CALN1: variants seen among roughly 807,000 people sequenced by gnomAD.
CALN1 encodes calneuron 1.
CALN1 carries 17 observed loss-of-function variants against 30.6 expected under a neutral mutation model. The ratio of observed to expected loss-of-function variants is 0.56; its 90% CI spans 0.38 to 0.83. The LOEUF is 0.83. Among genes scored for constraint, CALN1 ranks in the 40% least tolerant of loss-of-function variants. The pLI, the probability that CALN1 is intolerant of heterozygous loss-of-function variation, is 0.00. For missense variants in CALN1, 291 were observed against 354.9 expected, an observed-to-expected ratio of 0.82 and a Z score of 1.45; for synonymous variants, 156 against 131.4, an observed-to-expected ratio of 1.19 and a Z score of -1.28.
chr7:72,406,581 C>T (rs1252888250), intron 1 of CALN1, among the ~76,000 whole-genome samples: 2 of 151,658 alleles, frequency 1.3e-5, no homozygotes, highest in South Asian at 2.1e-4. Context: ...GATCTCTGGG[C>T]TAATTCCTAG....
Position 72,068,998 on chromosome 7 carries a change from T to C in CALN1, c.388+37153A>G, listed in dbSNP as rs563024331. On this transcript the variant is annotated intron_variant, in intron 4 of 6. Transcript: ENST00000395275. ...CACTGAAAACACTTGGAAGTAGATA[T>C]AGACTGATTCTAAGTTGCAGGAGAG... Among the ~76,000 whole-genome samples the C allele has an allele frequency of 5.9e-5, 9 of 152,322 alleles. No homozygotes were observed. In the South Asian group the frequency reaches 1.2e-3, roughly 21 times the overall value.
At chr7:72,474,115 G>A in the CALN1 span, among the ~76,000 whole-genome samples, 3 of 152,078 alleles carry the variant, frequency 2.0e-5, no homozygotes, top group Non-Finnish European at 4.4e-5. Context: ...TCTACCAGCA[G>A]AAATCAATTG....
chr7:72,054,272 A>AT (rs1210960663), intron 4 of CALN1, among the ~76,000 whole-genome samples: 1 of 151,414 alleles, frequency 6.6e-6, no homozygotes, highest in Non-Finnish European at 1.5e-5. Flanking sequence ...CAGTGTAGTT[A>AT]TTTTTGACTT....
rs766539975 is a variant in CALN1 at position 72,318,649 on chromosome 7, TC to T, written c.120-39840del. Among the ~76,000 whole-genome samples the T allele has an allele frequency of 1.1e-4, 16 of 146,078 alleles. 1 individual carries two copies. In the Middle Eastern group the frequency reaches 0.018, roughly 165 times the overall value. On this transcript the variant is annotated intron_variant, in intron 2 of 6. Coordinates refer to ENST00000395275, the MANE Select transcript of CALN1 (RefSeq NM_031468.4). Reference sequence around the variant, plus strand: ...TCGAACTCCTGGGTTCAAGCAATCCTCCTGCCTCAGTCTCCTGAGTAGCTAG... The same window carrying T: ...TCGAACTCCTGGGTTCAAGCAATCCTCTGCCTCAGTCTCCTGAGTAGCTAG...
At chr7:72,462,922 G>C in the CALN1 span, among the ~76,000 whole-genome samples, 10 of 152,148 alleles carry the variant, frequency 6.6e-5, no homozygotes, top group African/African-American at 2.4e-4. Context: ...CATCCACGTA[G>C]TTCTGCTCAA....
chr7:72,281,972 CA>C (rs1797761058), intron 2 of CALN1, among the ~76,000 whole-genome samples: 1 of 152,096 alleles, frequency 6.6e-6, no homozygotes, highest in Admixed American at 6.5e-5. Context: ...ATTAGGTACA[CA>C]TTCAGTTCAT....
chr7:72,455,074 G>A, the CALN1 span, among the ~76,000 whole-genome samples: 2,082 of 152,046 alleles, frequency 0.014, 21 homozygotes, highest in Non-Finnish European at 0.02. Flanking sequence ...CAGATTATCC[G>A]CACACCTTGG....
At chr7:72,210,082 A>G (rs1050391272) in intron 3 of CALN1, among the ~76,000 whole-genome samples, 1 of 151,974 alleles carries the variant, frequency 6.6e-6, no homozygotes, top group Non-Finnish European at 1.5e-5. Flanking sequence ...CCCATCACCT[A>G]TCCCCTTTTG....
Position 71,975,925 on chromosome 7 carries a change from T to C in CALN1, c.501+47732A>G, listed in dbSNP as rs1211144679. On this transcript the variant is annotated intron_variant, in intron 5 of 6. Coordinates refer to ENST00000395275, the MANE Select transcript of CALN1 (RefSeq NM_031468.4). ...AGTAATGGCAGCTTTTGCCATTACT[T>C]TTGATGGCAAAAACTGCAATTACTT... is the stretch of plus-strand genomic sequence containing the variant. 2.0e-5 allele frequency among the ~76,000 whole-genome samples: 3 copies of C among 150,096 alleles called. No homozygotes were observed. In the East Asian group the frequency reaches 6.1e-4, roughly 31 times the overall value.
intron 5 of CALN1, among the ~76,000 whole-genome samples, chr7:71,923,196 A>G (rs1795070780): frequency 6.6e-6 from 1 of 152,104 alleles, no homozygotes; most frequent in Non-Finnish European, 1.5e-5. Flanking sequence ...ACACCACGCA[A>G]TGTAGAGAAG....
chr7:72,069,719 C>T (rs975194594), intron 4 of CALN1, among the ~76,000 whole-genome samples: 14 of 152,132 alleles, frequency 9.2e-5, no homozygotes, highest in African/African-American at 3.4e-4. Flanking sequence ...AATAAGGTAA[C>T]ATTTACAAGT....
chr7:72,358,626 T>C (rs1562919568), intron 2 of CALN1, among the ~76,000 whole-genome samples: 2 of 152,118 alleles, frequency 1.3e-5, no homozygotes, highest in Non-Finnish European at 1.5e-5. Context: ...CTCAAGCCCA[T>C]CGGGGCAAAG....
chr7:72,098,764 G>GCGCACACA lies in CALN1; in HGVS notation c.388+7386_388+7387insTGTGTGCG, dbSNP rs1414936509. On this transcript the variant is annotated intron_variant, in intron 4 of 6. Transcript: ENST00000395275. ...CTGAGCAGTTCAGCCCATTTGGCGCGCACACACACACACACACACACACAC... is the reference window on the plus strand; with the variant it reads ...CTGAGCAGTTCAGCCCATTTGGCGCGCGCACACACACACACACACACACACACACACAC... Among the ~76,000 whole-genome samples, 180 of 142,828 alleles carry GCGCACACA rather than the reference G, an allele frequency of 1.3e-3. 1 individual carries two copies. Among genetic ancestry groups the GCGCACACA allele is most frequent in the African/African-American group, 4.6e-3 (175 of 37,980 alleles). The allele number at this position is 142,828 out of a possible 152,430, so 93.7% of individuals were successfully genotyped here.
At chr7:72,195,874 A>G (rs1372853576) in intron 3 of CALN1, among the ~76,000 whole-genome samples, 3 of 152,236 alleles carry the variant, frequency 2.0e-5, no homozygotes, top group Non-Finnish European at 2.9e-5. Context: ...ATATTGGTAT[A>G]TCTATCCAAT....
intron 2 of CALN1, among the ~76,000 whole-genome samples, chr7:72,390,330 G>A (rs546592976): frequency 1.4e-4 from 21 of 151,888 alleles, no homozygotes; most frequent in African/African-American, 4.8e-4. Context: ...ACTCAGGAGG[G>A]TGAGGCAGGA....
intron 3 of CALN1, among the ~76,000 whole-genome samples, chr7:72,178,525 C>A (rs1789533998): frequency 6.6e-6 from 1 of 151,928 alleles, no homozygotes; most frequent in African/African-American, 2.4e-5. Flanking sequence ...ACCCTCTTTA[C>A]TGAAAAGACA....
chr7:71,958,615 A>G lies in CALN1; in HGVS notation c.501+65042T>C, dbSNP rs546932205. Among the ~76,000 whole-genome samples, 3 of 152,338 alleles carry G rather than the reference A, an allele frequency of 2.0e-5. No individual in the cohort carries two copies. In the South Asian group the frequency reaches 6.2e-4, roughly 32 times the overall value. ...CACCCATCTTAGGAAAGTTTTCCAA[A>G]TATATAAAAACAGCAAAGTCTGGAT... On this transcript the variant is annotated intron_variant, in intron 5 of 6. Coordinates refer to ENST00000395275, the MANE Select transcript of CALN1 (RefSeq NM_031468.4).
At chr7:71,953,319 T>C (rs928528112) in intron 5 of CALN1, among the ~76,000 whole-genome samples, 2 of 152,136 alleles carry the variant, frequency 1.3e-5, no homozygotes, top group Non-Finnish European at 2.9e-5. Context: ...CATCCTGTTC[T>C]TCATCTTAAT....
the CALN1 span, among the ~76,000 whole-genome samples, chr7:72,479,552 A>ATTTTTT: frequency 9.8e-3 from 1,277 of 130,668 alleles, 23 homozygotes; most frequent in African/African-American, 0.032. Context: ...TTATAGCACA[A>ATTTTTT]TTTTTTTTTT....
Sources: gnomAD v4.1 joint callset for allele counts (sites outside exome capture counted in the v4.1 genomes callset) on GRCh38, gnomAD v4.1.1 for gene constraint, MANE v1.5 for transcripts, NCBI Gene and HGNC (gene_info 2026-07-23, HGNC 2026-07-21) for gene names.